The following DCAF4L2 variants were observed in gnomAD, a reference collection of about 807,000 sequenced individuals.
The protein encoded by DCAF4L2 is DDB1 and CUL4 associated factor 4 like 2, also known as DDB1- and CUL4-associated factor 4-like protein 2.
A neutral mutation model predicts 15.5 loss-of-function variants in DCAF4L2; 13 were observed. The ratio of observed to expected loss-of-function variants is 0.84; its 90% CI spans 0.54 to 1.33. DCAF4L2 has a LOEUF of 1.33. Among genes scored for constraint, DCAF4L2 ranks in the 40% most tolerant of loss-of-function variants. The pLI, the probability that DCAF4L2 is intolerant of heterozygous loss-of-function variation, is 0.00. For synonymous variants in DCAF4L2, 251 were observed against 207.0 expected (o/e 1.21, Z -1.83); for missense variants, 519 against 509.6 (o/e 1.02, Z -0.18).
rs1401153919 is a variant in DCAF4L2, at chr8:87,870,820, T to G, written c.*1964A>C. 6.6e-6 allele frequency: 1 copy of G among 152,216 alleles called. No individual in the cohort carries two copies. The highest frequency in any genetic ancestry group is 1.5e-5 in the Non-Finnish European group (1 of 68,030). 9.4% of individuals were successfully genotyped at this position (152,216 alleles called of 1,614,324 possible). On this transcript the variant is annotated 3_prime_UTR_variant, in exon 1 of 1. Coordinates refer to ENST00000319675, the MANE Select transcript of DCAF4L2 (RefSeq NM_152418.4). ...GTTACGTAGTCATTACATTTTCTTT[T>G]GTCAACTGCCCATAGCTGCTTTTGG...
Position 87,871,065 on chromosome 8 carries a change from T to A in DCAF4L2, c.*1719A>T, listed in dbSNP as rs1185406861. 2 of 151,102 alleles carry A rather than the reference T, an allele frequency of 1.3e-5. No individual in the cohort carries two copies. The highest frequency in any genetic ancestry group is 3.8e-4 in the East Asian group (2 of 5,202). The allele number at this position is 151,102 out of a possible 1,614,324, so 9.4% of individuals were successfully genotyped here. On this transcript the variant is annotated 3_prime_UTR_variant, in exon 1 of 1. Transcript: ENST00000319675. ...AACTGATTTCAAAAATCTATGCACC[T>A]AACCACTCTTTTGTATCTTCTCTAT...
In DCAF4L2 at chr8:87,871,128, C is replaced by A. The variant is rs1450741700; in HGVS notation, c.*1656G>T. On this transcript the variant is annotated 3_prime_UTR_variant, in exon 1 of 1. Transcript: ENST00000319675. The stretch of plus-strand genomic sequence containing the variant: ...CTATCAATATGTAATATTACATTAA[C>A]CTCATTTATGTCCTGACATCACCTC... 2 of 151,854 alleles carry A rather than the reference C, an allele frequency of 1.3e-5. No individual in the cohort carries two copies. The highest frequency in any genetic ancestry group is 2.4e-5 in the African/African-American group (1 of 41,212). The allele number at this position is 151,854 out of a possible 1,614,324, so 9.4% of individuals were successfully genotyped here. A position where few individuals can be genotyped will look rare whatever the true frequency, so the allele number is the denominator to read the frequency against.
In DCAF4L2 at chr8:87,873,605, G is replaced by A. The variant is rs377133955; in HGVS notation, c.367C>T (p.Pro123Ser). The A allele has an allele frequency of 7.4e-5, 120 of 1,614,092 alleles. No homozygotes were observed. The highest frequency in any genetic ancestry group is 9.6e-5 in the Non-Finnish European group (113 of 1,180,050). ...CACATAGAATTCACCTTCCGATTAG[G>A]GACGTAGAGGGTTTTGTGCGGGTAT... ...RVYPHKTLYV[P>S]NRKVNSMCWA... The change falls in exon 1 of 1, where the codon CCT becomes TCT. Residue 123 changes from proline (P) to serine (S), a missense_variant. By Grantham distance (74) the Pro-to-Ser change is moderately conservative (BLOSUM62 -1). Coordinates refer to ENST00000319675, the MANE Select transcript of DCAF4L2 (RefSeq NM_152418.4).
Position 87,873,294 on chromosome 8 carries a change from A to G in DCAF4L2, c.678T>C (p.Asp226=), listed in dbSNP as rs1373776467. 1.2e-6 allele frequency: 2 copies of G among 1,614,206 alleles called. No homozygotes were observed. The highest frequency in any genetic ancestry group is 1.7e-6 in the Non-Finnish European group (2 of 1,180,032). Residue 226 remains aspartate, a synonymous_variant, in exon 1 of 1, where the codon GAT becomes GAC. Coordinates refer to ENST00000319675, the MANE Select transcript of DCAF4L2 (RefSeq NM_152418.4). ...TGATTGCAAACTGCTGGGCCAAGACATCACTGCTAGTCCCAAATGACTGCT... is the reference window on the plus strand; with the variant it reads ...TGATTGCAAACTGCTGGGCCAAGACGTCACTGCTAGTCCCAAATGACTGCT... The part of the protein sequence containing the change: ...GHQQSFGTSS[D]VLAQQFAIMT...
Position 87,873,832 on chromosome 8 carries a change from C to T in DCAF4L2, c.140G>A (p.Arg47His), listed in dbSNP as rs1388562595. 2 of 1,614,100 alleles carry T rather than the reference C, an allele frequency of 1.2e-6. No individual in the cohort carries two copies. The highest frequency in any genetic ancestry group is 1.1e-5 in the South Asian group (1 of 91,088). The stretch of plus-strand genomic sequence containing the variant: ...CTGCATGCAGCTTACACGCAGCTCG[C>T]GAGCTATACGGCAATAGTTGGCGAA... ...LRFANYCRIARELRVSCMQRK... is the reference protein window; with the variant it reads ...LRFANYCRIAHELRVSCMQRK... Residue 47 changes from arginine (R) to histidine (H), a missense_variant, in exon 1 of 1, where the codon CGC becomes CAC. Transcript: ENST00000319675.
rs142735829 is a variant in DCAF4L2 at position 87,872,919 on chromosome 8, G to T, written c.1053C>A (p.Thr351=). Residue 351 remains threonine (T), a synonymous_variant, in exon 1 of 1, where the codon ACC becomes ACA. Transcript: ENST00000319675. ...WSLRHGHLLT[T]IPSPYPASEN... The stretch of plus-strand genomic sequence containing the variant: ...CCGAGGCGGGGTATGGGGAGGGTAT[G>T]GTTGTGAGCAGGTGGCCATGACGGA... 6.2e-7 allele frequency: 1 copy of T among 1,614,176 alleles called. No individual in the cohort carries two copies. Among genetic ancestry groups the T allele is most frequent in the Non-Finnish European group, 8.5e-7 (1 of 1,180,034 alleles).
Position 87,873,079 on chromosome 8 carries a change from TC to T in DCAF4L2, c.892del (p.Asp298ThrfsTer2). On this transcript the variant is annotated frameshift_variant, in exon 1 of 1. Transcript: ENST00000319675. LOFTEE classifies it high-confidence loss of function. ...SDMTGTIKLW[D>X]LRATKCVTQY... The stretch of plus-strand genomic sequence containing the variant: ...TGTTACACATTTAGTGGCCCTCAAG[TC>T]CCACAGCTTGATAGTTCCAGTCATG... 3 of 1,614,104 alleles carry T rather than the reference TC, an allele frequency of 1.9e-6. No homozygotes were observed. Among genetic ancestry groups the T allele is most frequent in the Non-Finnish European group, 1.7e-6 (2 of 1,180,008 alleles).
chr8:87,872,673 G>A lies in DCAF4L2; in HGVS notation c.*111C>T, dbSNP rs181783523. 8.8e-7 allele frequency: 1 copy of A among 1,133,202 alleles called. No homozygotes were observed. The highest frequency in any genetic ancestry group is 2.9e-5 in the Admixed American group (1 of 34,142). The allele number at this position is 1,133,202 out of a possible 1,614,324, so 70.2% of individuals were successfully genotyped here. A position where few individuals can be genotyped will look rare whatever the true frequency, so the allele number is the denominator to read the frequency against. On this transcript the variant is annotated 3_prime_UTR_variant, in exon 1 of 1. Transcript: ENST00000319675. ...CCTTACCCCTAGCAGCCGGATGGAT[G>A]GGATCTACAAACACCGAACATCTCT...
rs1252629502 is a variant in DCAF4L2 at position 87,872,719 on chromosome 8, G to A, written c.*65C>T. On this transcript the variant is annotated 3_prime_UTR_variant, in exon 1 of 1. Transcript: ENST00000319675. Reference sequence around the variant, plus strand: ...TCTCTTAAAATGCGCTCATAGAAACGGTAATACGATGCTCTTTACTTCTTT... The same window carrying A: ...TCTCTTAAAATGCGCTCATAGAAACAGTAATACGATGCTCTTTACTTCTTT... 2 of 1,466,436 alleles carry A rather than the reference G, an allele frequency of 1.4e-6. No homozygotes were observed. The allele number at this position is 1,466,436 out of a possible 1,614,324, so 90.8% of individuals were successfully genotyped here.
rs555642563 is a variant in DCAF4L2, at chr8:87,873,959, T to G, written c.13A>C (p.Arg5=). 255 of 1,613,634 alleles carry G rather than the reference T, an allele frequency of 1.6e-4. 2 individuals are homozygous for G. In the South Asian group the frequency reaches 2.7e-3, roughly 17 times the overall value. The change falls in exon 1 of 1, where the codon AGA becomes CGA. Residue 5 remains arginine, a synonymous_variant. Coordinates refer to ENST00000319675, the MANE Select transcript of DCAF4L2 (RefSeq NM_152418.4). MESK[R]PRLLEEADKQ... is the part of the protein sequence containing the mutation. ...TCTGCTTCCTCGAGCAGTCGCGGTC[T>G]TTTGCTCTCCATTTCGTTCGGCGGA...
Position 87,871,242 on chromosome 8 carries a change from T to G in DCAF4L2, c.*1542A>C, listed in dbSNP as rs1335493357. ...TTTTTTCACCTCAAATCCTCCCCAT[T>G]TTAGTAAATGACACCAACCATCCAC... On this transcript the variant is annotated 3_prime_UTR_variant, in exon 1 of 1. Transcript: ENST00000319675. 1 of 152,276 alleles carries G rather than the reference T, an allele frequency of 6.6e-6. No homozygotes were observed. The highest frequency in any genetic ancestry group is 2.4e-5 in the African/African-American group (1 of 41,426). The allele number at this position is 152,276 out of a possible 1,614,324, so 9.4% of individuals were successfully genotyped here.
At position 87,873,938 on chromosome 8, in the gene DCAF4L2, C is replaced by T. The variant is rs2117893205; in HGVS notation, c.34G>A (p.Ala12Thr). ...CTGACTGTCTTTTTCTGCTTGTCTGCTTCCTCGAGCAGTCGCGGTCTTTTG... is the reference window on the plus strand; with the variant it reads ...CTGACTGTCTTTTTCTGCTTGTCTGTTTCCTCGAGCAGTCGCGGTCTTTTG... ...ESKRPRLLEE[A>T]DKQKKTVRVG... The change falls in exon 1 of 1, where the codon GCA (alanine) becomes ACA (threonine). Residue 12 changes from alanine to threonine, a missense_variant. By Grantham distance (58) the Ala-to-Thr change is moderately conservative. Coordinates refer to ENST00000319675, the MANE Select transcript of DCAF4L2 (RefSeq NM_152418.4). The T allele has an allele frequency of 6.2e-7, 1 of 1,614,052 alleles. No homozygotes were observed. Among genetic ancestry groups the T allele is most frequent in the African/African-American group, 1.3e-5 (1 of 75,016 alleles).
Position 87,872,484 on chromosome 8 carries a change from GAAAAGTGTTTTTTTGT to G in DCAF4L2, c.*284_*299del. ...AGTTTTTGCCAATCTTCAGTCCTTA[GAAAAGTGTTTTTTTGT>G]TAAAAAAAAAAAAAAAGGGGGGGAT... On this transcript the variant is annotated 3_prime_UTR_variant, in exon 1 of 1. Transcript: ENST00000319675. 5.1e-6 allele frequency: 1 copy of G among 196,116 alleles called. No homozygotes were observed. Among genetic ancestry groups the G allele is most frequent in the Non-Finnish European group, 9.4e-6 (1 of 106,368 alleles). 12.1% of individuals were successfully genotyped at this position (196,116 alleles called of 1,614,324 possible).
At position 87,873,388 on chromosome 8, in the gene DCAF4L2, T is replaced by C; in HGVS notation, c.584A>G (p.His195Arg). The change falls in exon 1 of 1, where the codon CAC (histidine) becomes CGC (arginine). Residue 195 changes from histidine to arginine, a missense_variant. By Grantham distance (29) the His-to-Arg change is conservative. Transcript: ENST00000319675. ...GCCTGTACTGAAAGAGTGATACGCG[T>C]GGATGCTCAGGGACCAGGCACAGGA... Reference protein sequence around the residue: ...AWSCAWSLSIHAYHSFSTGLS... With the variant: ...AWSCAWSLSIRAYHSFSTGLS... 1 of 1,614,152 alleles carries C rather than the reference T, an allele frequency of 6.2e-7. No homozygotes were observed. Among genetic ancestry groups the C allele is most frequent in the Non-Finnish European group, 8.5e-7 (1 of 1,180,030 alleles).
In DCAF4L2 at chr8:87,873,221, T is replaced by C. The variant is rs746054200; in HGVS notation, c.751A>G (p.Ile251Val). ...CCTTGATTTCCACAGCGCAGATCAATGCCAAAGATCTCCCCAGAGCGACAG... is the reference window on the plus strand; with the variant it reads ...CCTTGATTTCCACAGCGCAGATCAACGCCAAAGATCTCCCCAGAGCGACAG... ...NGCRSGEIFG[I>V]DLRCGNQGSG... Residue 251 changes from isoleucine (I) to valine (V), a missense_variant, in exon 1 of 1, where the codon ATT (isoleucine) becomes GTT (valine). Physicochemically the swap from Ile to Val is conservative, Grantham distance 29. Coordinates refer to ENST00000319675, the MANE Select transcript of DCAF4L2 (RefSeq NM_152418.4). 8.1e-6 allele frequency: 13 copies of C among 1,614,096 alleles called. No individual in the cohort carries two copies. Among genetic ancestry groups the C allele is most frequent in the Middle Eastern group, 1.6e-4 (1 of 6,062 alleles).
Position 87,871,951 on chromosome 8 carries a change from TTG to T in DCAF4L2, c.*831_*832del, listed in dbSNP as rs1348709435. 4 of 154,158 alleles carry T rather than the reference TTG, an allele frequency of 2.6e-5. No individual in the cohort carries two copies. The highest frequency in any genetic ancestry group is 6.1e-5 in the Non-Finnish European group (4 of 65,344). 9.5% of individuals were successfully genotyped at this position (154,158 alleles called of 1,614,324 possible). A position where few individuals can be genotyped will look rare whatever the true frequency, so the allele number is the denominator to read the frequency against. On this transcript the variant is annotated 3_prime_UTR_variant, in exon 1 of 1. Coordinates refer to ENST00000319675, the MANE Select transcript of DCAF4L2 (RefSeq NM_152418.4). ...CACGTTTTTTTGTTTTTTGTTTTTTTTGTCTTTTCTAGCTTATTGTTGGTAGA... is the reference window on the plus strand; with the variant it reads ...CACGTTTTTTTGTTTTTTGTTTTTTTTCTTTTCTAGCTTATTGTTGGTAGA...
rs1257849738 is a variant in DCAF4L2 at position 87,872,153 on chromosome 8, T to C, written c.*631A>G. On this transcript the variant is annotated 3_prime_UTR_variant, in exon 1 of 1. Coordinates refer to ENST00000319675, the MANE Select transcript of DCAF4L2 (RefSeq NM_152418.4). ...GGAAGATGCCTCAACAAAAGCACGTTAAGGACTGTTTAAAACTTCTATTAT... is the reference window on the plus strand; with the variant it reads ...GGAAGATGCCTCAACAAAAGCACGTCAAGGACTGTTTAAAACTTCTATTAT... 6.0e-6 allele frequency: 1 copy of C among 165,892 alleles called. No homozygotes were observed. Among genetic ancestry groups the C allele is most frequent in the East Asian group, 1.9e-4 (1 of 5,192 alleles). The allele number at this position is 165,892 out of a possible 1,614,324, so 10.3% of individuals were successfully genotyped here.
chr8:87,872,112 C>T lies in DCAF4L2; in HGVS notation c.*672G>A, dbSNP rs1379368803. Reference sequence around the variant, plus strand: ...GTCACAATAATAGAAACCGGAGCTGCTGTACCTTACATTCTGGAAGATGCC... The same window carrying T: ...GTCACAATAATAGAAACCGGAGCTGTTGTACCTTACATTCTGGAAGATGCC... On this transcript the variant is annotated 3_prime_UTR_variant, in exon 1 of 1. Coordinates refer to ENST00000319675, the MANE Select transcript of DCAF4L2 (RefSeq NM_152418.4). 7.2e-4 allele frequency: 119 copies of T among 166,308 alleles called. No individual in the cohort carries two copies. The highest frequency in any genetic ancestry group is 4.4e-5 in the Non-Finnish European group (3 of 68,104). 10.3% of individuals were successfully genotyped at this position (166,308 alleles called of 1,614,324 possible). A position where few individuals can be genotyped will look rare whatever the true frequency, so the allele number is the denominator to read the frequency against.
chr8:87,873,146 G>A lies in DCAF4L2; in HGVS notation c.826C>T (p.Leu276=), dbSNP rs149030322. 1.2e-3 allele frequency: 2,013 copies of A among 1,614,196 alleles called. 8 individuals carry two copies. Among genetic ancestry groups the A allele is most frequent in the South Asian group, 2.5e-3 (224 of 91,090 alleles). Residue 276 remains leucine, a synonymous_variant, in exon 1 of 1, where the codon CTG becomes TTG. Transcript: ENST00000319675. The stretch of plus-strand genomic sequence containing the variant: ...AATTGGCCATCTTGGAGGATTTGCA[G>A]AGAAGTCACTGCTGAATCATGGGAC... ...CLSHDSAVTS[L]QILQDGQFLV...
Sources: allele counts gnomAD v4.1 joint callset, GRCh38; gene constraint gnomAD v4.1.1; transcripts MANE v1.5; gene names NCBI Gene and HGNC (gene_info 2026-07-23, HGNC 2026-07-21).